The following PRMT8 variants were observed in gnomAD, a reference collection of about 807,000 sequenced individuals.
PRMT8 encodes protein arginine N-methyltransferase 8.
In PRMT8, 7 loss-of-function variants were observed where a neutral mutation model predicts 47.1. The observed-to-expected ratio is 0.15, with a 90% CI of 0.08 to 0.28. The LOEUF (loss-of-function observed/expected upper bound fraction) is 0.28. Ranked by LOEUF, PRMT8 falls within the 10% of genes least tolerant of loss-of-function variation. PRMT8 has a pLI of 1.00. For missense variants in PRMT8, 237 were observed against 505.4 expected (o/e 0.47, Z 5.09); for synonymous variants, 188 against 186.5 (o/e 1.01, Z -0.07).
intron 1 of PRMT8, among the ~76,000 whole-genome samples, chr12:3,457,880 G>A (rs1212841057): frequency 1.0e-5 from 1 of 96,160 alleles, no homozygotes; most frequent in Non-Finnish European, 1.9e-5. Context: ...ACAGCGTTCT[G>A]TTGCCAGGCT....
chr12:3,563,540 C>T lies in PRMT8; in HGVS notation c.482-5166C>T, dbSNP rs532228865. ...GATATCGACATCCTTTTTCCCATCA[C>T]TCCTGACCAGCCGCAGGAGAAGGGT... On this transcript the variant is annotated intron_variant, in intron 4 of 9. Coordinates refer to ENST00000382622, the MANE Select transcript of PRMT8 (RefSeq NM_019854.5). Among the ~76,000 whole-genome samples the T allele has an allele frequency of 7.3e-5, 11 of 151,630 alleles. No individual in the cohort carries two copies. In the South Asian group the frequency reaches 1.5e-3, roughly 20 times the overall value.
chr12:3,579,308 T>C (rs1464524919), intron 7 of PRMT8, among the ~76,000 whole-genome samples: 1 of 152,118 alleles, frequency 6.6e-6, no homozygotes, highest in Non-Finnish European at 1.5e-5. Flanking sequence ...CCAGGCCCCA[T>C]TGGCAGGTGT....
Position 3,540,719 on chromosome 12 carries a change from G to T in PRMT8, c.189G>T (p.Lys63Asn). 6.3e-7 allele frequency: 1 copy of T among 1,585,738 alleles called. No homozygotes were observed. The highest frequency in any genetic ancestry group is 8.6e-7 in the Non-Finnish European group (1 of 1,162,064). ...GCCCAGGACGGGGCAAGATGTCCAA[G>T]CTGCTGAACCCAGAGGAGATGACCT... The part of the protein sequence containing the change: ...PSCPGRGKMS[K>N]LLNPEEMTSR... The change falls in exon 2 of 10, where the codon AAG becomes AAT. Residue 63 changes from lysine to asparagine, a missense_variant. Coordinates refer to ENST00000382622, the MANE Select transcript of PRMT8 (RefSeq NM_019854.5).
chr12:3,480,550 A>G (rs1865262669), intron 1 of PRMT8, among the ~76,000 whole-genome samples: 1 of 152,126 alleles, frequency 6.6e-6, no homozygotes, highest in South Asian at 2.1e-4. Flanking sequence ...CCCATTTCTC[A>G]GGGGTCTTTT....
upstream of PRMT8, among the ~76,000 whole-genome samples, chr12:3,490,236 A>T (rs1274540238): frequency 6.6e-6 from 1 of 152,136 alleles, no homozygotes; most frequent in Admixed American, 6.5e-5. Flanking sequence ...AGTCAGCCTG[A>T]GTGTCCTGTT....
At chr12:3,481,935 A>G (rs1470891397) in intron 1 of PRMT8, among the ~76,000 whole-genome samples, 6 of 152,198 alleles carry the variant, frequency 3.9e-5, no homozygotes, top group Non-Finnish European at 5.9e-5. Context: ...ATGATTCTAC[A>G]TGACTAGAAA....
intron 1 of PRMT8, among the ~76,000 whole-genome samples, chr12:3,466,347 G>T (rs1308155095): frequency 6.6e-6 from 1 of 152,192 alleles, no homozygotes; most frequent in Admixed American, 6.5e-5. Flanking sequence ...CTTTGGTGCT[G>T]AGGGAGGCAA....
chr12:3,518,108 G>GC lies in PRMT8; in HGVS notation c.76-22492dup, dbSNP rs559466064. Reference sequence around the variant, plus strand: ...AGCCCTGGGATTCCCCAACACGCTTGCCCCCCTCACCATACATGTCACAAA... The same window carrying GC: ...AGCCCTGGGATTCCCCAACACGCTTGCCCCCCCTCACCATACATGTCACAAA... On this transcript the variant is annotated intron_variant, in intron 1 of 9. Coordinates refer to ENST00000382622, the MANE Select transcript of PRMT8 (RefSeq NM_019854.5). 3.9e-4 allele frequency among the ~76,000 whole-genome samples: 59 copies of GC among 152,002 alleles called. No individual in the cohort carries two copies. In the East Asian group the frequency reaches 7.9e-3, roughly 20 times the overall value.
At chr12:3,579,983 G>C (rs765465779) in intron 7 of PRMT8, among the ~76,000 whole-genome samples, 5 of 152,062 alleles carry the variant, frequency 3.3e-5, no homozygotes, top group Admixed American at 6.5e-5. Context: ...CGAGGGGCTG[G>C]GCTCTGGGGA....
In PRMT8 at chr12:3,470,022, G is replaced by A. The variant is rs76800946; in HGVS notation, c.49-70584G>A. 9.9e-3 allele frequency among the ~76,000 whole-genome samples: 1,510 copies of A among 152,256 alleles called. 30 individuals carry two copies. The highest frequency in any genetic ancestry group is 0.034 in the African/African-American group (1,419 of 41,542). ...ACACCTCAACACAATAACGGTGTTC[G>A]TCATCAGGACCCCAAGTCATGATGG... is the stretch of plus-strand genomic sequence containing the variant. On this transcript the variant is annotated intron_variant, in intron 1 of 9. Transcript: ENST00000452611.
chr12:3,397,477 G>T (rs532994915), intron 1 of PRMT8, among the ~76,000 whole-genome samples: 1 of 150,430 alleles, frequency 6.6e-6, no homozygotes, highest in Non-Finnish European at 1.5e-5. Context: ...GCCCTGTGAG[G>T]TGTCAGTCTG....
intron 1 of PRMT8, among the ~76,000 whole-genome samples, chr12:3,532,215 A>T (rs1430519860): frequency 6.6e-6 from 1 of 151,074 alleles, no homozygotes; most frequent in African/African-American, 2.4e-5. Flanking sequence ...ATGTGATAGT[A>T]GTAGATGCCC....
intron 1 of PRMT8, among the ~76,000 whole-genome samples, chr12:3,483,389 C>A (rs1426979524): frequency 6.6e-6 from 1 of 152,120 alleles, no homozygotes; most frequent in Non-Finnish European, 1.5e-5. Flanking sequence ...CTGGAAGATC[C>A]AAGAAATGGA....
At chr12:3,534,212 A>G (rs1377398849) in intron 1 of PRMT8, among the ~76,000 whole-genome samples, 1 of 152,238 alleles carries the variant, frequency 6.6e-6, no homozygotes, top group Non-Finnish European at 1.5e-5. Context: ...AGGTTAGAAA[A>G]AGCTCTCTTG....
chr12:3,392,019 G>A (rs571757736), intron 1 of PRMT8, among the ~76,000 whole-genome samples: 1 of 152,236 alleles, frequency 6.6e-6, no homozygotes, highest in Non-Finnish European at 1.5e-5. Context: ...CAGGAGCAAA[G>A]GGTTGGAGGC....
At chr12:3,397,993 C>T (rs1864276482) in intron 1 of PRMT8, among the ~76,000 whole-genome samples, 1 of 152,120 alleles carries the variant, frequency 6.6e-6, no homozygotes, top group Non-Finnish European at 1.5e-5. Flanking sequence ...GTCCATCACC[C>T]CTTTGACTAG....
chr12:3,499,193 C>CTTTTTTTTTTTT (rs57788869), intron 1 of PRMT8, among the ~76,000 whole-genome samples: 1 of 122,258 alleles, frequency 8.2e-6, no homozygotes, highest in Non-Finnish European at 1.7e-5. Context: ...TTTTTCCTTT[C>CTTTTTTTTTTTT]TTTTTTTTTT....
At position 3,492,997 on chromosome 12, in the gene PRMT8, G is replaced by A. The variant is rs1865446857; in HGVS notation, c.75+1297G>A. Among the ~76,000 whole-genome samples, 1 of 152,186 alleles carries A rather than the reference G, an allele frequency of 6.6e-6. No individual in the cohort carries two copies. Among genetic ancestry groups the A allele is most frequent in the Non-Finnish European group, 1.5e-5 (1 of 68,016 alleles). On this transcript the variant is annotated intron_variant, in intron 1 of 9. Transcript: ENST00000382622. The surrounding 1 kb of genome is among the most constrained non-coding windows in gnomAD (Gnocchi z 7.5). The stretch of plus-strand genomic sequence containing the variant: ...AGACCCTTCCTGGTCTTCTTCCCTC[G>A]AGTTCTTAACTCTGCGCTAAAACCC...
chr12:3,577,493 C>G (rs1312611780), intron 7 of PRMT8, among the ~76,000 whole-genome samples: 2 of 151,476 alleles, frequency 1.3e-5, no homozygotes, highest in Non-Finnish European at 2.9e-5. Flanking sequence ...TCCACATACA[C>G]CTTTGCCCCA....
Sources: allele counts gnomAD v4.1 joint callset (sites outside exome capture counted in the v4.1 genomes callset), GRCh38; gene constraint gnomAD v4.1.1; non-coding constraint Gnocchi (gnomAD v3.1); transcripts MANE v1.5; gene names NCBI Gene and HGNC (gene_info 2026-07-23, HGNC 2026-07-21).